FAM120A: variants seen among roughly 807,000 people sequenced by gnomAD.
FAM120A encodes the protein family with sequence similarity 120 member A.
In FAM120A, 15 loss-of-function variants were observed where a neutral mutation model predicts 109.7. The ratio of observed to expected loss-of-function variants is 0.14; its 90% CI spans 0.09 to 0.21. FAM120A has a LOEUF of 0.21. Ranked by LOEUF, FAM120A falls within the 10% of genes least tolerant of loss-of-function variation. FAM120A has a pLI of 1.00. For missense variants in FAM120A, 899 were observed against 1,439.3 expected (o/e 0.62, Z 6.07); for synonymous variants, 493 against 572.8 (o/e 0.86, Z 1.99).
rs550792588 is a variant in FAM120A, at chr9:93,514,574, G to T, written c.1031-1093G>T. ...CAGCAGTGTGCATCTTACTTAAACC[G>T]CCTCAGGGCTCCTTTCATCCCCAGG... On this transcript the variant is annotated intron_variant, in intron 5 of 17. Transcript: ENST00000277165. Among the ~76,000 whole-genome samples the T allele has an allele frequency of 3.4e-4, 52 of 152,250 alleles. 2 individuals carry two copies. Among genetic ancestry groups the T allele is most frequent in the African/African-American group, 1.2e-3 (50 of 41,544 alleles).
intron 7 of FAM120A, among the ~76,000 whole-genome samples, chr9:93,518,355 G>A (rs1049288253): frequency 6.6e-6 from 1 of 152,166 alleles, no homozygotes; most frequent in East Asian, 1.9e-4. Context: ...GGTTGTATCT[G>A]CAGTGTATAA....
chr9:93,479,159 C>T lies in FAM120A; in HGVS notation c.804+2821C>T, dbSNP rs56056375. On this transcript the variant is annotated intron_variant, in intron 3 of 17. Coordinates refer to ENST00000277165, the MANE Select transcript of FAM120A (RefSeq NM_014612.5). ...TGTCGCCCAGGCTGGAGTGCAGTGGCGGGATCTCGGCTCACTGCAAGCTCC... is the reference window on the plus strand; with the variant it reads ...TGTCGCCCAGGCTGGAGTGCAGTGGTGGGATCTCGGCTCACTGCAAGCTCC... Among the ~76,000 whole-genome samples the T allele has an allele frequency of 5.6e-3, 697 of 125,072 alleles. 2 individuals carry two copies. Among genetic ancestry groups the T allele is most frequent in the Middle Eastern group, 0.025 (4 of 160 alleles). 82.1% of individuals were successfully genotyped at this position (125,072 alleles called of 152,430 possible).
chr9:93,519,844 T>C (rs971419884), intron 7 of FAM120A, among the ~76,000 whole-genome samples: 10 of 152,158 alleles, frequency 6.6e-5, no homozygotes, highest in Admixed American at 2.0e-4. Flanking sequence ...AAGCTTCCTA[T>C]GAATTAAAAA....
intron 5 of FAM120A, among the ~76,000 whole-genome samples, chr9:93,509,374 G>C (rs1860210641): frequency 6.6e-6 from 1 of 152,202 alleles, no homozygotes; most frequent in South Asian, 2.1e-4. Context: ...AAGCCTGGGG[G>C]CTATGAGCCG....
intron 15 of FAM120A, among the ~76,000 whole-genome samples, chr9:93,560,733 T>G (rs1369258182): frequency 1.2e-4 from 19 of 152,236 alleles, no homozygotes; most frequent in Admixed American, 1.2e-3. Context: ...TTCTATGATG[T>G]TCAGTTAAGG....
chr9:93,539,630 G>C (rs1453610908), intron 10 of FAM120A, among the ~76,000 whole-genome samples: 1 of 152,208 alleles, frequency 6.6e-6, no homozygotes, highest in Non-Finnish European at 1.5e-5. Context: ...CCAGTGCCAT[G>C]GGCAAGCCCA....
intron 1 of FAM120A, among the ~76,000 whole-genome samples, chr9:93,459,938 A>G (rs1360132229): frequency 1.3e-5 from 2 of 152,256 alleles, no homozygotes; most frequent in East Asian, 3.8e-4. Flanking sequence ...GTAAAGTCAT[A>G]TAAATGTTTG....
At chr9:93,520,128 G>A (rs147484580) in intron 7 of FAM120A, among the ~76,000 whole-genome samples, 19 of 152,192 alleles carry the variant, frequency 1.2e-4, no homozygotes, top group African/African-American at 2.6e-4. Flanking sequence ...TACCTCTGCC[G>A]AAAGTGCTGG....
rs368304863 is a variant in FAM120A at position 93,561,266 on chromosome 9, C to T, written c.2948+16C>T. On this transcript the variant is annotated intron_variant, in intron 16 of 17. Coordinates refer to ENST00000277165, the MANE Select transcript of FAM120A (RefSeq NM_014612.5). Reference sequence around the variant, plus strand: ...CAGCTAGAGGGTAAGTTCTGAGCCACGAAAATGTCTTTTGTATAAGTAAAG... The same window carrying T: ...CAGCTAGAGGGTAAGTTCTGAGCCATGAAAATGTCTTTTGTATAAGTAAAG... The T allele has an allele frequency of 5.0e-6, 8 of 1,591,588 alleles. No homozygotes were observed. Among genetic ancestry groups the T allele is most frequent in the Admixed American group, 3.7e-5 (2 of 53,592 alleles).
intron 1 of FAM120A, among the ~76,000 whole-genome samples, chr9:93,468,392 G>A (rs903492857): frequency 6.6e-6 from 1 of 152,192 alleles, no homozygotes; most frequent in African/African-American, 2.4e-5. Flanking sequence ...TGTGCCCCTT[G>A]TCCTGTTGGA....
intron 3 of FAM120A, among the ~76,000 whole-genome samples, chr9:93,488,673 G>C (rs1423192065): frequency 2.6e-5 from 4 of 152,042 alleles, no homozygotes; most frequent in African/African-American, 9.7e-5. Flanking sequence ...TTGTCCTCCT[G>C]TATTGTGCTT....
intron 15 of FAM120A, among the ~76,000 whole-genome samples, chr9:93,560,047 AT>A (rs1862418666): frequency 1.3e-5 from 2 of 152,212 alleles, no homozygotes; most frequent in African/African-American, 2.4e-5. Flanking sequence ...TAATCTCAGC[AT>A]TTTGGGAGGC....
chr9:93,465,241 C>G (rs1020189617), intron 1 of FAM120A, among the ~76,000 whole-genome samples: 8 of 152,212 alleles, frequency 5.3e-5, no homozygotes, highest in African/African-American at 1.9e-4. Context: ...CTTTTTACCC[C>G]TGCTCATATC....
chr9:93,453,505 C>T lies in FAM120A; in HGVS notation c.474+1116C>T, dbSNP rs1439393345. The T allele has an allele frequency of 4.1e-6, 4 of 985,334 alleles. No homozygotes were observed. In the South Asian group the frequency reaches 1.4e-4, roughly 35 times the overall value. The allele number at this position is 985,334 out of a possible 1,614,324, so 61.0% of individuals were successfully genotyped here. A position where few individuals can be genotyped will look rare whatever the true frequency, so the allele number is the denominator to read the frequency against. ...GTCATTTGACATTTCCTTGAAACTGCTGGAGCTGAAAGTTTGTGAAATTCT... is the reference window on the plus strand; with the variant it reads ...GTCATTTGACATTTCCTTGAAACTGTTGGAGCTGAAAGTTTGTGAAATTCT... On this transcript the variant is annotated intron_variant, in intron 1 of 17. Transcript: ENST00000277165.
chr9:93,538,141 T>G (rs1358662055), intron 10 of FAM120A, among the ~76,000 whole-genome samples: 1 of 152,194 alleles, frequency 6.6e-6, no homozygotes, highest in Non-Finnish European at 1.5e-5. Flanking sequence ...ACAGCATTTA[T>G]CTACATGTCT....
intron 11 of FAM120A, among the ~76,000 whole-genome samples, chr9:93,545,823 C>CTTTTTTTTTTTTTTTTTTTTTTT (rs1554784991): frequency 1.6e-5 from 1 of 61,340 alleles, no homozygotes; most frequent in Non-Finnish European, 3.0e-5. Flanking sequence ...GAGTTTTTTG[C>CTTTTTTTTTTTTTTTTTTTTTTT]TCTTGTCGCT....
intron 15 of FAM120A, among the ~76,000 whole-genome samples, chr9:93,559,712 T>A (rs977882913): frequency 1.3e-5 from 2 of 152,332 alleles, no homozygotes; most frequent in South Asian, 2.1e-4. Context: ...CAGCTCCTTC[T>A]AGTGCCTTGA....
At chr9:93,562,161 C>T (rs1248911075) in intron 16 of FAM120A, 47 bp from the exon 17 acceptor site, 5 of 1,417,156 alleles carry the variant, frequency 3.5e-6, no homozygotes, top group African/African-American at 1.4e-5. Flanking sequence ...TAAATGTTGT[C>T]TGTAACAGAT....
intron 7 of FAM120A, among the ~76,000 whole-genome samples, chr9:93,517,127 A>G (rs763229873): frequency 6.6e-6 from 1 of 152,136 alleles, no homozygotes; most frequent in Non-Finnish European, 1.5e-5. Flanking sequence ...TCCTCTGTCC[A>G]TCTGTGAAAT....
Sources: gnomAD v4.1 joint callset for allele counts (sites outside exome capture counted in the v4.1 genomes callset) on GRCh38, gnomAD v4.1.1 for gene constraint, MANE v1.5 for transcripts, NCBI Gene and HGNC (gene_info 2026-07-23, HGNC 2026-07-21) for gene names.